The following RASGRF2 variants were observed in gnomAD, a reference collection of about 807,000 sequenced individuals.
RASGRF2 encodes the protein ras-specific guanine nucleotide-releasing factor 2.
Under a neutral mutation model 151.0 loss-of-function variants are expected in RASGRF2, and 76 were observed. The ratio of observed to expected loss-of-function variants is 0.50; its 90% CI spans 0.42 to 0.61. The LOEUF is 0.61. Among genes scored for constraint, RASGRF2 ranks in the 20% least tolerant of loss-of-function variants. The pLI, the probability that RASGRF2 is intolerant of heterozygous loss-of-function variation, is 0.00. For missense variants in RASGRF2, 1,148 were observed against 1,564.6 expected (o/e 0.73, Z 4.49); for synonymous variants, 504 against 566.5 (o/e 0.89, Z 1.57).
chr5:80,975,853 CT>C (rs71893376), intron 1 of RASGRF2, among the ~76,000 whole-genome samples: 37,899 of 133,422 alleles, frequency 0.28, 4,257 homozygotes, highest in Middle Eastern at 0.42. Flanking sequence ...AAGCAATCAT[CT>C]TTTTTTTTTT....
intron 1 of RASGRF2, among the ~76,000 whole-genome samples, chr5:80,980,965 G>A (rs565973297): frequency 3.3e-5 from 5 of 152,220 alleles, no homozygotes; most frequent in Admixed American, 2.0e-4. Context: ...TAGGGTTCCT[G>A]CCAATAACAT....
intron 17 of RASGRF2, among the ~76,000 whole-genome samples, chr5:81,170,119 AG>A (rs1241258461): frequency 9.7e-6 from 1 of 102,704 alleles, no homozygotes; most frequent in Non-Finnish European, 2.0e-5. Flanking sequence ...CCATACCACC[AG>A]CATCACCTGC....
At chr5:80,996,527 TCCTCCTCCCC>T in intron 1 of RASGRF2, among the ~76,000 whole-genome samples, 1 of 46,296 alleles carries the variant, frequency 2.2e-5, no homozygotes, top group South Asian at 1.5e-3. Flanking sequence ...CTCCCCCTCC[TCCTCCTCCCC>T]CTCCTCCTCC....
chr5:80,976,640 C>T (rs1004225980), intron 1 of RASGRF2, among the ~76,000 whole-genome samples: 7 of 152,094 alleles, frequency 4.6e-5, no homozygotes, highest in African/African-American at 1.4e-4. Context: ...CACTGTCTTC[C>T]TCCTGAACCT....
intron 1 of RASGRF2, among the ~76,000 whole-genome samples, chr5:80,976,989 C>T (rs964749497): frequency 6.6e-6 from 1 of 152,198 alleles, no homozygotes; most frequent in Non-Finnish European, 1.5e-5. Context: ...CATGGTCTTT[C>T]TGTTTTGGTC....
chr5:81,116,257 A>G (rs1258055558), intron 15 of RASGRF2, among the ~76,000 whole-genome samples: 1 of 150,886 alleles, frequency 6.6e-6, no homozygotes, highest in Admixed American at 6.6e-5. Context: ...TAATTTTTGT[A>G]TTTTTAGTAG....
intron 1 of RASGRF2, among the ~76,000 whole-genome samples, chr5:80,982,836 A>G (rs976538187): frequency 3.9e-5 from 6 of 151,900 alleles, no homozygotes; most frequent in Middle Eastern, 3.2e-3. Flanking sequence ...TCCTGACCTC[A>G]TGATCTGCCC....
intron 17 of RASGRF2, among the ~76,000 whole-genome samples, chr5:81,145,535 A>T (rs1005435270): frequency 6.6e-6 from 1 of 152,190 alleles, no homozygotes; most frequent in Non-Finnish European, 1.5e-5. Flanking sequence ...ATCGTGTATG[A>T]CTTTGGCACC....
chr5:81,070,378 A>G, intron 3 of RASGRF2, 114 bp from the exon 4 acceptor site: 1 of 786,222 alleles, frequency 1.3e-6, no homozygotes, highest in South Asian at 1.5e-5. Flanking sequence ...GTGCATAAAA[A>G]GTGGGTGTTT....
At chr5:81,130,575 C>A (rs548292364) in intron 17 of RASGRF2, among the ~76,000 whole-genome samples, 2 of 152,180 alleles carry the variant, frequency 1.3e-5, no homozygotes, top group African/African-American at 4.8e-5. Flanking sequence ...AGAAGATAAT[C>A]TGGATTTATT....
At chr5:81,151,353 A>G (rs1391914160) in intron 17 of RASGRF2, among the ~76,000 whole-genome samples, 1 of 147,058 alleles carries the variant, frequency 6.8e-6, no homozygotes, top group East Asian at 2.0e-4. Context: ...TTGAAAGGAG[A>G]TTGGGTTTTT....
chr5:80,966,011 A>G (rs976259693), intron 1 of RASGRF2, among the ~76,000 whole-genome samples: 9 of 151,936 alleles, frequency 5.9e-5, no homozygotes, highest in Non-Finnish European at 1.3e-4. Flanking sequence ...CTTAAATTCT[A>G]CTTTTCACAG....
chr5:81,154,068 A>C (rs533253494), intron 17 of RASGRF2, among the ~76,000 whole-genome samples: 44 of 152,270 alleles, frequency 2.9e-4, no homozygotes, highest in African/African-American at 1.0e-3. Flanking sequence ...CGAAGCAAAA[A>C]CTGACAGAAT....
intron 4 of RASGRF2, among the ~76,000 whole-genome samples, chr5:81,072,711 C>CA (rs1001583970): frequency 9.9e-5 from 15 of 151,706 alleles, no homozygotes; most frequent in Admixed American, 3.3e-4. Context: ...ACAAAACAAA[C>CA]AAAAAAAACA....
chr5:81,134,079 CGTGT>C (rs139770057), intron 17 of RASGRF2, among the ~76,000 whole-genome samples: 40 of 143,812 alleles, frequency 2.8e-4, no homozygotes, highest in South Asian at 2.5e-3. Flanking sequence ...TGCTTGTGTG[CGTGT>C]GTGTGTGTGT....
intron 1 of RASGRF2, among the ~76,000 whole-genome samples, chr5:80,964,304 C>T (rs1479446018): frequency 4.6e-5 from 7 of 152,098 alleles, no homozygotes; most frequent in African/African-American, 1.4e-4. Context: ...TGTCCGATGG[C>T]ACTTCTTTCT....
intron 1 of RASGRF2, among the ~76,000 whole-genome samples, chr5:81,001,470 G>A (rs933855789): frequency 1.3e-4 from 19 of 151,934 alleles, no homozygotes; most frequent in Non-Finnish European, 2.6e-4. Context: ...TTACATGTAA[G>A]TATGTCTGTT....
At chr5:80,968,414 G>T (rs1311920970) in intron 1 of RASGRF2, among the ~76,000 whole-genome samples, 3 of 151,224 alleles carry the variant, frequency 2.0e-5, no homozygotes, top group Non-Finnish European at 4.4e-5. Flanking sequence ...TATTTCACTT[G>T]TAAATAAGGA....
chr5:81,034,836 T>C (rs1238766770), intron 1 of RASGRF2, among the ~76,000 whole-genome samples: 1 of 147,228 alleles, frequency 6.8e-6, no homozygotes. Flanking sequence ...TTGGGAGATA[T>C]ACCTAATGCT....
Sources: allele counts gnomAD v4.1 joint callset (sites outside exome capture counted in the v4.1 genomes callset), GRCh38; gene constraint gnomAD v4.1.1; transcripts MANE v1.5; gene names NCBI Gene and HGNC (gene_info 2026-07-23, HGNC 2026-07-21).